ITPRID2: variants seen among roughly 807,000 people sequenced by gnomAD.
The protein encoded by ITPRID2 is protein ITPRID2.
In ITPRID2, 60 loss-of-function variants were observed where a neutral mutation model predicts 124.3. The observed-to-expected ratio is 0.48, with a 90% confidence interval of 0.39 to 0.60. ITPRID2 has a LOEUF of 0.60. Among genes scored for constraint, ITPRID2 ranks in the 20% least tolerant of loss-of-function variants. ITPRID2 has a pLI of 0.00. For missense variants in ITPRID2, 1,553 were observed against 1,512.2 expected (o/e 1.03, Z -0.45); for synonymous variants, 521 against 542.9 (o/e 0.96, Z 0.56).
At chr2:181,920,986 C>T (rs1365961491) in intron 15 of ITPRID2, among the ~76,000 whole-genome samples, 3 of 151,982 alleles carry the variant, frequency 2.0e-5, no homozygotes, top group Non-Finnish European at 4.4e-5. Flanking sequence ...GAGTTTGAGA[C>T]CAGCCTAGTC....
chr2:181,900,944 T>C, intron 7 of ITPRID2, 40 bp downstream of exon 7: 1 of 1,459,406 alleles, frequency 6.9e-7, no homozygotes, highest in South Asian at 1.3e-5. Flanking sequence ...TTTCTTAAAT[T>C]ATAGCATCTA....
At position 181,910,691 on chromosome 2, in the gene ITPRID2, A is replaced by G. The variant is rs759461642; in HGVS notation, c.1486+720A>G. The G allele has an allele frequency of 1.1e-4, 74 of 651,416 alleles. No homozygotes were observed. The highest frequency in any genetic ancestry group is 9.7e-4 in the Middle Eastern group (4 of 4,114). The allele number at this position is 651,416 out of a possible 1,614,324, so 40.4% of individuals were successfully genotyped here. ...AACCACCCTGTTTTTTTTTTAAACA[A>G]AGATTCGTATGTATGTTCCTAGAAT... On this transcript the variant is annotated intron_variant, in intron 9 of 17. Transcript: ENST00000431877. This position sits in a 1 kb window ranked among gnomAD's most constrained non-coding sequence, Gnocchi z 4.1.
chr2:181,918,164 T>C (rs1694217896), intron 11 of ITPRID2: 1 of 282,462 alleles, frequency 3.5e-6, no homozygotes, highest in Non-Finnish European at 5.4e-6. Flanking sequence ...TATGTTTTTA[T>C]CTCACTGCCT....
chr2:181,928,269 GA>G lies in ITPRID2; in HGVS notation c.*7del, dbSNP rs760841999. ...TTCTAAGCAAGATTATCATTAAACA[GA>G]AATTATAGGTAAATTTTTCTGAGTT... On this transcript the variant is annotated 3_prime_UTR_variant, in exon 17 of 18. Coordinates refer to ENST00000431877, the MANE Select transcript of ITPRID2 (RefSeq NM_001130445.3). The G allele has an allele frequency of 5.3e-6, 8 of 1,514,674 alleles. No individual in the cohort carries two copies. In the African/African-American group the frequency reaches 1.1e-4, roughly 21 times the overall value. The allele number at this position is 1,514,674 out of a possible 1,614,324, so 93.8% of individuals were successfully genotyped here.
rs374914507 is a variant in ITPRID2 at position 181,899,006 on chromosome 2, G to A, written c.405-8G>A. The A allele has an allele frequency of 1.9e-6, 3 of 1,605,698 alleles. No individual in the cohort carries two copies. Among genetic ancestry groups the A allele is most frequent in the African/African-American group, 1.3e-5 (1 of 74,412 alleles). On this transcript the variant is annotated splice_polypyrimidine_tract_variant and splice_region_variant and intron_variant, in intron 5 of 17. Coordinates refer to ENST00000431877, the MANE Select transcript of ITPRID2 (RefSeq NM_001130445.3). ...ATAAAGTTTTATATAATCTGATTTT[G>A]TTCGTAGCAATAATATCTTGGCCAA...
rs1444268059 is a variant in ITPRID2, at chr2:181,930,165, A to G, written c.*618A>G. The G allele has an allele frequency of 3.9e-5, 6 of 152,690 alleles. No individual in the cohort carries two copies. Among genetic ancestry groups the G allele is most frequent in the Non-Finnish European group, 8.8e-5 (6 of 68,044 alleles). 9.5% of individuals were successfully genotyped at this position (152,690 alleles called of 1,614,324 possible). On this transcript the variant is annotated 3_prime_UTR_variant, in exon 18 of 18. Coordinates refer to ENST00000431877, the MANE Select transcript of ITPRID2 (RefSeq NM_001130445.3). ...AGCCTTGTTGCTTTACCCAAGACAA[A>G]TGTAATTTTATCATTGCTTATGTAG...
chr2:181,921,893 TA>T, intron 15 of ITPRID2, 54 bp from the exon 16 acceptor site: 1 of 1,499,986 alleles, frequency 6.7e-7, no homozygotes, highest in Non-Finnish European at 9.0e-7. Context: ...TTAACCTTTT[TA>T]GCTACCAATC....
In ITPRID2 at chr2:181,922,155, A is replaced by G. The variant is rs760675169; in HGVS notation, c.3418A>G (p.Thr1140Ala). 13 of 1,614,040 alleles carry G rather than the reference A, an allele frequency of 8.1e-6. No homozygotes were observed. The East Asian group carries it at 2.4e-4, about 30-fold the overall frequency. ...TACTGCCTCAGTGGGCAAATCCAAA[A>G]CCCCATTAGTGGCAAGGAAGAAAGT... is the stretch of plus-strand genomic sequence containing the variant. Reference protein sequence around the residue: ...PSTASVGKSKTPLVARKKVFR... With the variant: ...PSTASVGKSKAPLVARKKVFR... Residue 1140 changes from threonine to alanine, a missense_variant, in exon 16 of 18, where the codon ACC (threonine) becomes GCC (alanine). Transcript: ENST00000431877.
chr2:181,906,402 A>G (rs947124259), intron 8 of ITPRID2, among the ~76,000 whole-genome samples: 1 of 152,164 alleles, frequency 6.6e-6, no homozygotes, highest in Non-Finnish European at 1.5e-5. Context: ...TGATCACCCC[A>G]AGGACCTATG....
intron 8 of ITPRID2, among the ~76,000 whole-genome samples, chr2:181,906,762 A>G (rs958301564): frequency 3.9e-5 from 6 of 152,168 alleles, no homozygotes; most frequent in African/African-American, 1.4e-4. Context: ...AAAAAAAAAA[A>G]ATACGGATAT....
Position 181,918,809 on chromosome 2 carries a change from C to G in ITPRID2, c.2920C>G (p.Gln974Glu), listed in dbSNP as rs576369806. Residue 974 changes from glutamine to glutamate, a missense_variant, in exon 13 of 18, where the codon CAA (glutamine) becomes GAA (glutamate). By Grantham distance (29) the Gln-to-Glu change is conservative (BLOSUM62 2). Transcript: ENST00000431877. The part of the protein sequence containing the change: ...MRRSLNLFRT[Q>E]MMDLELAMLR... Reference sequence around the variant, plus strand: ...GCGGAGCCTGAATTTGTTTAGAACACAAATGATGGATTTAGAATTGGCAAT... The same window carrying G: ...GCGGAGCCTGAATTTGTTTAGAACAGAAATGATGGATTTAGAATTGGCAAT... 58 of 1,614,162 alleles carry G rather than the reference C, an allele frequency of 3.6e-5. No homozygotes were observed. The South Asian group carries it at 6.3e-4, about 17-fold the overall frequency.
chr2:181,927,569 G>A (rs1179058348), intron 16 of ITPRID2, among the ~76,000 whole-genome samples: 1 of 152,098 alleles, frequency 6.6e-6, no homozygotes, highest in African/African-American at 2.4e-5. Context: ...TGCAACTAAA[G>A]AAAAAGTTAT....
Position 181,910,028 on chromosome 2 carries a change from G to A in ITPRID2, c.1486+57G>A. On this transcript the variant is annotated intron_variant, in intron 9 of 17. Transcript: ENST00000431877. This position sits in a 1 kb window ranked among gnomAD's most constrained non-coding sequence, Gnocchi z 4.1. The stretch of plus-strand genomic sequence containing the variant: ...ACATTATCAAATATTAGTTGATTTG[G>A]AAAAGGGGTTTTATGTATCAGTATT... 7.3e-7 allele frequency: 1 copy of A among 1,367,660 alleles called. No individual in the cohort carries two copies. Among genetic ancestry groups the A allele is most frequent in the Non-Finnish European group, 1.0e-6 (1 of 964,202 alleles). 84.7% of individuals were successfully genotyped at this position (1,367,660 alleles called of 1,614,324 possible).
rs775377569 is a variant in ITPRID2 at position 181,900,883 on chromosome 2, A to T, written c.691A>T (p.Asn231Tyr). The change falls in exon 7 of 18, where the codon AAC (asparagine) becomes TAC (tyrosine). Residue 231 changes from asparagine to tyrosine, a missense_variant. Asn to Tyr is a moderately radical substitution (Grantham distance 143, BLOSUM62 -2). Coordinates refer to ENST00000431877, the MANE Select transcript of ITPRID2 (RefSeq NM_001130445.3). ...SAQMQRMEVE[N>Y]PNYALTSRFR... is the part of the protein sequence containing the mutation. The stretch of plus-strand genomic sequence containing the variant: ...TCAGATGCAACGGATGGAAGTAGAA[A>T]ACCCAAATTATGCTTTAACAAGTAA... The T allele has an allele frequency of 1.2e-6, 2 of 1,609,948 alleles. No individual in the cohort carries two copies. The highest frequency in any genetic ancestry group is 2.7e-5 in the African/African-American group (2 of 74,682).
chr2:181,913,402 A>T (rs1318508507), intron 9 of ITPRID2, among the ~76,000 whole-genome samples: 2 of 152,102 alleles, frequency 1.3e-5, no homozygotes, highest in African/African-American at 4.8e-5. Flanking sequence ...GATAATAGAA[A>T]TCTTTACACA....
rs752390162 is a variant in ITPRID2, at chr2:181,902,407, A to G, written c.1354A>G (p.Thr452Ala). The change falls in exon 8 of 18, where the codon ACA (threonine) becomes GCA (alanine). Residue 452 changes from threonine (T) to alanine (A), a missense_variant. Thr to Ala is a moderately conservative substitution (Grantham distance 58, BLOSUM62 0). Coordinates refer to ENST00000431877, the MANE Select transcript of ITPRID2 (RefSeq NM_001130445.3). The surrounding 1 kb of genome is among the most constrained non-coding windows in gnomAD (Gnocchi z 4.4). ...TGAAAAAGAGCCTTGTGCACCACTG[A>G]CAATACCATCCATAAGAAATATAAT... ...TPEKEPCAPL[T>A]IPSIRNIMTQ... 11 of 1,610,808 alleles carry G rather than the reference A, an allele frequency of 6.8e-6. No homozygotes were observed. The highest frequency in any genetic ancestry group is 8.5e-6 in the Non-Finnish European group (10 of 1,179,152).
At position 181,922,253 on chromosome 2, in the gene ITPRID2, G is replaced by T. The variant is rs751039185; in HGVS notation, c.3516G>T (p.Leu1172Phe). ...RTGSVQTPPDLESSEEVDAAE... is the reference protein window; with the variant it reads ...RTGSVQTPPDFESSEEVDAAE... ...GCTCTGTGCAGACACCTCCAGATTT[G>T]GAAAGTTCTGAGGAAGTTGATGCAG... The change falls in exon 16 of 18, where the codon TTG becomes TTT. Residue 1172 changes from leucine to phenylalanine, a missense_variant. Leu to Phe is a conservative substitution (Grantham distance 22). Coordinates refer to ENST00000431877, the MANE Select transcript of ITPRID2 (RefSeq NM_001130445.3). 45 of 1,614,070 alleles carry T rather than the reference G, an allele frequency of 2.8e-5. No individual in the cohort carries two copies. The highest frequency in any genetic ancestry group is 3.7e-5 in the Non-Finnish European group (44 of 1,180,044).
chr2:181,915,778 G>A lies in ITPRID2; in HGVS notation c.2138G>A (p.Ser713Asn). 1 of 1,614,158 alleles carries A rather than the reference G, an allele frequency of 6.2e-7. No homozygotes were observed. Among genetic ancestry groups the A allele is most frequent in the Non-Finnish European group, 8.5e-7 (1 of 1,180,036 alleles). Reference protein sequence around the residue: ...CSLSNQRMGRSLLKSKDLLKQ... With the variant: ...CSLSNQRMGRNLLKSKDLLKQ... The stretch of plus-strand genomic sequence containing the variant: ...CTGTCTAATCAAAGGATGGGGCGTA[G>A]CCTGCTAAAATCAAAAGATTTGTTA... Residue 713 changes from serine to asparagine, a missense_variant, in exon 11 of 18, where the codon AGC becomes AAC. Transcript: ENST00000431877.
At chr2:181,911,835 G>A (rs1693631955) in intron 9 of ITPRID2, among the ~76,000 whole-genome samples, 1 of 152,218 alleles carries the variant, frequency 6.6e-6, no homozygotes, top group Admixed American at 6.5e-5. Context: ...GCAGAGGAGA[G>A]AAGCTATATT....
Sources: allele counts gnomAD v4.1 joint callset (sites outside exome capture counted in the v4.1 genomes callset), GRCh38; gene constraint gnomAD v4.1.1; non-coding constraint Gnocchi (gnomAD v3.1); transcripts MANE v1.5; gene names NCBI Gene and HGNC (gene_info 2026-07-23, HGNC 2026-07-21).